The following ADAM29 variants were observed in gnomAD, a reference collection of about 807,000 sequenced individuals.
ADAM29 encodes the protein disintegrin and metalloproteinase domain-containing protein 29.
For missense variants in ADAM29, 969 were observed against 1,001.8 expected (o/e 0.97, Z 0.44); for synonymous variants, 367 against 342.3 (o/e 1.07, Z -0.80).
chr4:174,978,076 C>A lies in ADAM29; in HGVS notation c.*88C>A. 6.4e-7 allele frequency: 1 copy of A among 1,565,728 alleles called. No individual in the cohort carries two copies. The highest frequency in any genetic ancestry group is 8.7e-7 in the Non-Finnish European group (1 of 1,150,228). On this transcript the variant is annotated 3_prime_UTR_variant, in exon 5 of 5. Transcript: ENST00000359240. ...TCGGGTGACACCCTCCCAGAGTCAA[C>A]CTCATGTGACACCTTACCGGAGTAA...
chr4:174,970,539 T>C (rs868551687), intron 4 of ADAM29, among the ~76,000 whole-genome samples: 38 of 152,142 alleles, frequency 2.5e-4, no homozygotes, highest in African/African-American at 9.2e-4. Flanking sequence ...TTTTCCCTTT[T>C]AACCTCCAAA....
chr4:174,932,836 A>G (rs755553112), intron 3 of ADAM29, among the ~76,000 whole-genome samples: 3 of 152,206 alleles, frequency 2.0e-5, no homozygotes, highest in Non-Finnish European at 2.9e-5. Flanking sequence ...TAGCCACAGT[A>G]TGGAACGATG....
chr4:174,960,471 A>T (rs1745747860), intron 4 of ADAM29, among the ~76,000 whole-genome samples: 1 of 152,060 alleles, frequency 6.6e-6, no homozygotes, highest in Admixed American at 6.6e-5. Context: ...TTGATTTTTT[A>T]TGTGGACTTT....
intron 4 of ADAM29, among the ~76,000 whole-genome samples, chr4:174,944,762 A>G (rs1306789817): frequency 6.6e-6 from 1 of 152,160 alleles, no homozygotes; most frequent in Non-Finnish European, 1.5e-5. Flanking sequence ...GCTCCCACTT[A>G]TAAGTGACAA....
At chr4:174,955,727 G>A (rs6832552) in intron 4 of ADAM29, among the ~76,000 whole-genome samples, 63,546 of 151,686 alleles carry the variant, frequency 0.42, 13,851 homozygotes, top group African/African-American at 0.54. Context: ...TGTATATTAA[G>A]TACAAAGTTG....
rs1258221431 is a variant in ADAM29 at position 174,976,381 on chromosome 4, T to C, written c.856T>C (p.Ser286Pro). 1 of 1,599,132 alleles carries C rather than the reference T, an allele frequency of 6.3e-7. No individual in the cohort carries two copies. The highest frequency in any genetic ancestry group is 8.5e-7 in the Non-Finnish European group (1 of 1,174,234). Reference sequence around the variant, plus strand: ...TACGCCCCGGATGCAACATGACACCTCACATCTTTTCACAACTCTAGGATT... The same window carrying C: ...TACGCCCCGGATGCAACATGACACCCCACATCTTTTCACAACTCTAGGATT... ...NITPRMQHDT[S>P]HLFTTLGLRG... Residue 286 changes from serine (S) to proline (P), a missense_variant, in exon 5 of 5, where the codon TCA (serine) becomes CCA (proline). Coordinates refer to ENST00000359240, the MANE Select transcript of ADAM29 (RefSeq NM_014269.4).
At position 174,950,389 on chromosome 4, in the gene ADAM29, A is replaced by G. The variant is rs562556955; in HGVS notation, c.-181+13376A>G. ...TCCCTTCAGACCTGGAATCCTATAT[A>G]TTGTTAGTGGCATAACTAACAACCT... On this transcript the variant is annotated intron_variant, in intron 4 of 4. Transcript: ENST00000359240. Among the ~76,000 whole-genome samples, 3 of 152,298 alleles carry G rather than the reference A, an allele frequency of 2.0e-5. No individual in the cohort carries two copies. In the East Asian group the frequency reaches 5.8e-4, roughly 29 times the overall value.
intron 4 of ADAM29, among the ~76,000 whole-genome samples, chr4:174,955,717 T>C (rs546751944): frequency 6.6e-6 from 1 of 152,168 alleles, no homozygotes; most frequent in Non-Finnish European, 1.5e-5. Context: ...AGATCAAATA[T>C]GTATATTAAG....
chr4:174,938,485 A>G (rs1028310018), intron 4 of ADAM29, among the ~76,000 whole-genome samples: 22 of 152,102 alleles, frequency 1.4e-4, no homozygotes. Flanking sequence ...AAGGAGGAGG[A>G]AAAACTTCTG....
intron 4 of ADAM29, among the ~76,000 whole-genome samples, chr4:174,946,088 A>G (rs1744835079): frequency 1.3e-5 from 2 of 152,096 alleles, no homozygotes. Flanking sequence ...GGGTAGTATG[A>G]CCATTTTAAG....
chr4:174,945,396 CCTTTGTCAGATG>C (rs1744783048), intron 4 of ADAM29, among the ~76,000 whole-genome samples: 1 of 152,010 alleles, frequency 6.6e-6, no homozygotes, highest in Non-Finnish European at 1.5e-5. Context: ...GGATATTAGA[CCTTTGTCAGATG>C]CATAGTTTGC....
chr4:174,966,830 A>T (rs1265222611), intron 4 of ADAM29, among the ~76,000 whole-genome samples: 2 of 152,216 alleles, frequency 1.3e-5, no homozygotes, highest in Admixed American at 6.5e-5. Context: ...CTTGAAGAAT[A>T]GCATATATTT....
At position 174,920,796 on chromosome 4, in the gene ADAM29, A is replaced by C. The variant is rs1743119645; in HGVS notation, c.-451+4A>C. Reference sequence around the variant, plus strand: ...AGAGAAAATAAAGATGCTTAATGTAAGTATCTTTGCAGTAAGATAATGTAA... The same window carrying C: ...AGAGAAAATAAAGATGCTTAATGTACGTATCTTTGCAGTAAGATAATGTAA... On this transcript the variant is annotated splice_donor_region_variant and intron_variant, in intron 2 of 4. Coordinates refer to ENST00000359240, the MANE Select transcript of ADAM29 (RefSeq NM_014269.4). 1 of 152,186 alleles carries C rather than the reference A, an allele frequency of 6.6e-6. No individual in the cohort carries two copies. Among genetic ancestry groups the C allele is most frequent in the South Asian group, 2.1e-4 (1 of 4,838 alleles). The allele number at this position is 152,186 out of a possible 1,614,324, so 9.4% of individuals were successfully genotyped here.
intron 2 of ADAM29, among the ~76,000 whole-genome samples, chr4:174,927,112 A>T (rs1743566017): frequency 6.6e-6 from 1 of 152,216 alleles, no homozygotes; most frequent in South Asian, 2.1e-4. Context: ...CAAAATACCA[A>T]GTGCTAGCAA....
chr4:174,960,634 ATGCTAAAATTTCCACGCT>A (rs1745758716), intron 4 of ADAM29, among the ~76,000 whole-genome samples: 1 of 152,142 alleles, frequency 6.6e-6, no homozygotes, highest in Admixed American at 6.6e-5. Flanking sequence ...TTTGTGAGAC[ATGCTAAAATTTCCACGCT>A]TGCTGTTTTG....
At position 174,976,610 on chromosome 4, in the gene ADAM29, C is replaced by A. The variant is rs1271150129; in HGVS notation, c.1085C>A (p.Pro362Gln). The A allele has an allele frequency of 6.2e-7, 1 of 1,608,680 alleles. No homozygotes were observed. The change falls in exon 5 of 5, where the codon CCA becomes CAA. Residue 362 changes from proline to glutamine, a missense_variant. Pro to Gln is a moderately conservative substitution (Grantham distance 76). Coordinates refer to ENST00000359240, the MANE Select transcript of ADAM29 (RefSeq NM_014269.4). ...TGCATAATGCATGAAGGCAACCCAC[C>A]AATAACTAAATTTAGCAATTGTAGT... ...PRCIMHEGNP[P>Q]ITKFSNCSYG...
chr4:174,955,136 TCTTG>T (rs1745426924), intron 4 of ADAM29, among the ~76,000 whole-genome samples: 1 of 152,236 alleles, frequency 6.6e-6, no homozygotes, highest in East Asian at 1.9e-4. Context: ...AGCTAGGTTG[TCTTG>T]CTTATCTGGC....
chr4:174,972,415 C>G (rs1380890176), intron 4 of ADAM29, among the ~76,000 whole-genome samples: 1 of 152,138 alleles, frequency 6.6e-6, no homozygotes, highest in Non-Finnish European at 1.5e-5. Flanking sequence ...TTTTTGTCTA[C>G]TCCTCTGTGC....
intron 1 of ADAM29, among the ~76,000 whole-genome samples, chr4:174,919,269 TA>T (rs1376870623): frequency 7.9e-5 from 12 of 152,214 alleles, no homozygotes; most frequent in Admixed American, 7.9e-4. Context: ...TGAAAGATCA[TA>T]ACCATTCAGA....
Sources: allele counts gnomAD v4.1 joint callset (sites outside exome capture counted in the v4.1 genomes callset), GRCh38; gene constraint gnomAD v4.1.1; transcripts MANE v1.5; gene names NCBI Gene and HGNC (gene_info 2026-07-23, HGNC 2026-07-21).